The following SEC24D variants were observed in gnomAD, a reference collection of about 807,000 sequenced individuals.
SEC24D encodes the protein protein transport protein Sec24D.
In SEC24D, 69 loss-of-function variants were observed where a neutral mutation model predicts 116.9. The observed-to-expected ratio is 0.59, with a 90% CI of 0.49 to 0.72. The LOEUF (loss-of-function observed/expected upper bound fraction) is 0.72. Among genes scored for constraint, SEC24D ranks in the 30% least tolerant of loss-of-function variants. SEC24D has a pLI of 0.00. For missense variants in SEC24D, 1,131 were observed against 1,264.1 expected, an observed-to-expected ratio of 0.89 and a Z score of 1.60; for synonymous variants, 405 against 442.8, an observed-to-expected ratio of 0.91 and a Z score of 1.07.
intron 8 of SEC24D, 83 bp from the exon 9 acceptor site, chr4:118,768,394 C>CAT: frequency 1.7e-6 from 1 of 581,164 alleles, no homozygotes; most frequent in Non-Finnish European, 2.7e-6. Context: ...TTTAATGGCA[C>CAT]TTTTTTTTTT....
rs1212541964 is a variant in SEC24D at position 118,768,277 on chromosome 4, C to T, written c.1076G>A (p.Gly359Glu). The change falls in exon 9 of 23, where the codon GGA becomes GAA. Residue 359 changes from glycine to glutamate, a missense_variant. By Grantham distance (98) the Gly-to-Glu change is moderately conservative (BLOSUM62 -2). Transcript: ENST00000280551. The part of the protein sequence containing the change: ...PLYLVNHGES[G>E]PVRCNRCKAY... ...CTTGCACCTGTTGCATCTGACTGGT[C>T]CACTCTCGCCGTGATTTACCAAGTA... 7.4e-6 allele frequency: 12 copies of T among 1,613,682 alleles called. No homozygotes were observed. The highest frequency in any genetic ancestry group is 1.0e-5 in the Non-Finnish European group (12 of 1,179,794).
intron 15 of SEC24D, among the ~76,000 whole-genome samples, chr4:118,741,572 A>G (rs1726224975): frequency 6.6e-6 from 1 of 152,190 alleles, no homozygotes. Flanking sequence ...CATGTGCACA[A>G]TACTGAGCTC....
At chr4:118,756,969 C>T (rs916594681) in intron 11 of SEC24D, among the ~76,000 whole-genome samples, 1 of 152,072 alleles carries the variant, frequency 6.6e-6, no homozygotes, top group African/African-American at 2.4e-5. Context: ...TTTTTCAAAA[C>T]AAATCTGGTT....
At chr4:118,750,214 A>G (rs116033242) in intron 13 of SEC24D, among the ~76,000 whole-genome samples, 2 of 152,350 alleles carry the variant, frequency 1.3e-5, no homozygotes, top group African/African-American at 4.8e-5. Context: ...AACCTTGGAG[A>G]ACATGGCTAT....
At chr4:118,761,764 A>C (rs1727388050) in intron 10 of SEC24D, among the ~76,000 whole-genome samples, 1 of 152,216 alleles carries the variant, frequency 6.6e-6, no homozygotes, top group Non-Finnish European at 1.5e-5. Context: ...ATTGTCAATA[A>C]GTTTGTGAAA....
At chr4:118,730,247 A>T (rs931122026) in intron 21 of SEC24D, 10 of 152,204 alleles carry the variant, frequency 6.6e-5, no homozygotes, top group Non-Finnish European at 2.9e-5. Flanking sequence ...TTATTTTTTT[A>T]AATTGCATTT....
At chr4:118,811,653 G>T (rs956262864) in intron 6 of SEC24D, among the ~76,000 whole-genome samples, 2 of 151,994 alleles carry the variant, frequency 1.3e-5, no homozygotes, top group Admixed American at 6.6e-5. Flanking sequence ...CTCTTCCCTG[G>T]GTCTCCAGCC....
chr4:118,739,651 T>G (rs924458636), intron 17 of SEC24D, among the ~76,000 whole-genome samples: 1 of 152,208 alleles, frequency 6.6e-6, no homozygotes, highest in Non-Finnish European at 1.5e-5. Flanking sequence ...TACTCAAGGC[T>G]CACTTTCTTA....
chr4:118,808,790 T>C lies in SEC24D; in HGVS notation c.802-2836A>G, dbSNP rs750748527. Among the ~76,000 whole-genome samples the C allele has an allele frequency of 2.6e-5, 4 of 152,290 alleles. No homozygotes were observed. In the East Asian group the frequency reaches 7.7e-4, roughly 29 times the overall value. On this transcript the variant is annotated intron_variant, in intron 6 of 22. Coordinates refer to ENST00000280551, the MANE Select transcript of SEC24D (RefSeq NM_014822.4). ...GAATTACGATTATATTTATCTGCTATGAGTGGAACATTCTGGGTTCATAAA... is the reference window on the plus strand; with the variant it reads ...GAATTACGATTATATTTATCTGCTACGAGTGGAACATTCTGGGTTCATAAA...
At chr4:118,813,484 G>A (rs1730006317) in intron 6 of SEC24D, among the ~76,000 whole-genome samples, 1 of 152,210 alleles carries the variant, frequency 6.6e-6, no homozygotes, top group South Asian at 2.1e-4. Context: ...ATCCCAAAGC[G>A]GCACAGAGCA....
At chr4:118,789,638 G>A (rs1293931220) in intron 8 of SEC24D, among the ~76,000 whole-genome samples, 4 of 152,144 alleles carry the variant, frequency 2.6e-5, no homozygotes, top group Non-Finnish European at 4.4e-5. Flanking sequence ...AAGCTAGAGC[G>A]CAGTGGCGCA....
intron 15 of SEC24D, among the ~76,000 whole-genome samples, chr4:118,742,329 A>G (rs1047987038): frequency 2.0e-5 from 3 of 151,018 alleles, no homozygotes; most frequent in African/African-American, 7.2e-5. Context: ...AGCACAATTC[A>G]CATATGCCAG....
intron 2 of SEC24D, among the ~76,000 whole-genome samples, chr4:118,830,753 G>C (rs1730814971): frequency 6.6e-6 from 1 of 151,868 alleles, no homozygotes; most frequent in South Asian, 2.1e-4. Context: ...GCCTGAAAAA[G>C]TATTAGAATA....
At chr4:118,799,801 A>C (rs1290250409) in intron 7 of SEC24D, among the ~76,000 whole-genome samples, 2 of 152,298 alleles carry the variant, frequency 1.3e-5, no homozygotes, top group Non-Finnish European at 2.9e-5. Context: ...GCTCAGAGTG[A>C]GTTTAAGAGA....
At chr4:118,731,566 T>C (rs1458766318) in intron 20 of SEC24D, 59 bp from the exon 21 acceptor site, 11 of 1,454,106 alleles carry the variant, frequency 7.6e-6, no homozygotes, top group Non-Finnish European at 1.1e-5. Context: ...CTTCCCTCCT[T>C]CCTCTTTTCC....
chr4:118,766,525 A>G (rs1727650963), intron 9 of SEC24D: 1 of 152,214 alleles, frequency 6.6e-6, no homozygotes, highest in South Asian at 2.1e-4. Flanking sequence ...CTAGGAATGG[A>G]TACCTGAGGG....
intron 10 of SEC24D, among the ~76,000 whole-genome samples, chr4:118,760,240 GC>G (rs1164610177): frequency 6.6e-6 from 1 of 152,160 alleles, no homozygotes; most frequent in Non-Finnish European, 1.5e-5. Context: ...CACTCACAAT[GC>G]TGTGCAACCA....
chr4:118,749,124 C>A (rs1726696485), intron 13 of SEC24D, among the ~76,000 whole-genome samples: 1 of 151,582 alleles, frequency 6.6e-6, no homozygotes, highest in Non-Finnish European at 1.5e-5. Flanking sequence ...ACCAGCAATT[C>A]ATGTATAGTT....
At chr4:118,815,186 T>C (rs1352974279) in intron 5 of SEC24D, 31 bp from the exon 6 acceptor site, 1 of 1,612,290 alleles carries the variant, frequency 6.2e-7, no homozygotes, top group Non-Finnish European at 8.5e-7. Context: ...GAGAAATGAC[T>C]ATCATCCCAA....
Sources: allele counts gnomAD v4.1 joint callset (sites outside exome capture counted in the v4.1 genomes callset), GRCh38; gene constraint gnomAD v4.1.1; transcripts MANE v1.5; gene names NCBI Gene and HGNC (gene_info 2026-07-23, HGNC 2026-07-21).